CRTC1: variants seen among roughly 807,000 people sequenced by gnomAD.
The protein encoded by CRTC1 is CREB regulated transcription coactivator 1, also known as CREB-regulated transcription coactivator 1.
In CRTC1, 18 loss-of-function variants were observed where a neutral mutation model predicts 66.1. That is an observed-to-expected ratio of 0.27 (90% CI 0.19 to 0.40). The LOEUF is 0.40. Ranked by LOEUF, CRTC1 falls within the 10% of genes least tolerant of loss-of-function variation. CRTC1 has a pLI of 1.00. For missense variants in CRTC1, 669 were observed against 887.9 expected (o/e 0.75, Z 3.13); for synonymous variants, 416 against 398.8 (o/e 1.04, Z -0.51).
At chr19:18,742,662 G>A (rs529775481) in intron 1 of CRTC1, among the ~76,000 whole-genome samples, 30 of 152,354 alleles carry the variant, frequency 2.0e-4, no homozygotes, top group Middle Eastern at 3.4e-3. Context: ...CCAGGTTCAC[G>A]GTCATGGGTT....
chr19:18,772,625 G>A (rs1179705816), intron 11 of CRTC1, among the ~76,000 whole-genome samples: 5 of 152,190 alleles, frequency 3.3e-5, no homozygotes, highest in Admixed American at 1.3e-4. Context: ...GGACAGTGAA[G>A]CCCCTCTGCC....
At chr19:18,699,752 G>T (rs1259763163) in intron 1 of CRTC1, among the ~76,000 whole-genome samples, 2 of 152,200 alleles carry the variant, frequency 1.3e-5, no homozygotes, top group Non-Finnish European at 2.9e-5. Flanking sequence ...GTGGGCCAGG[G>T]TGAGGGGTTG....
chr19:18,747,954 G>A (rs1476345824), intron 4 of CRTC1, among the ~76,000 whole-genome samples: 1 of 152,036 alleles, frequency 6.6e-6, no homozygotes, highest in Admixed American at 6.6e-5. Context: ...GTGCACGCCT[G>A]TACTCCCAGC....
Position 18,688,951 on chromosome 19 carries a change from T to G in CRTC1, c.126+5123T>G, listed in dbSNP as rs149319855. On this transcript the variant is annotated intron_variant, in intron 1 of 13. Coordinates refer to ENST00000321949, the MANE Select transcript of CRTC1 (RefSeq NM_015321.3). The stretch of plus-strand genomic sequence containing the variant: ...ACAAATCTGCTTTGGTTGCTTGCTT[T>G]CTTTTTTTTTGGAGACAGAGTCTCA... 1.3e-3 allele frequency among the ~76,000 whole-genome samples: 198 copies of G among 152,194 alleles called. 3 individuals carry two copies. The East Asian group carries it at 0.018, about 14-fold the overall frequency.
intron 1 of CRTC1, among the ~76,000 whole-genome samples, chr19:18,694,098 C>T (rs1158202329): frequency 6.7e-6 from 1 of 149,926 alleles, no homozygotes; most frequent in African/African-American, 2.5e-5. Context: ...CACCACTGCA[C>T]TCCCCAGCCT....
At chr19:18,702,435 A>G (rs34644324) in intron 1 of CRTC1, among the ~76,000 whole-genome samples, 7,398 of 151,212 alleles carry the variant, frequency 0.049, 263 homozygotes, top group Non-Finnish European at 0.072. Context: ...TGTGTTGCCT[A>G]CGCTGGTCTC....
At chr19:18,726,325 G>A (rs1223405294) in intron 1 of CRTC1, among the ~76,000 whole-genome samples, 1 of 152,244 alleles carries the variant, frequency 6.6e-6, no homozygotes, top group African/African-American at 2.4e-5. Flanking sequence ...GGTCCCCGGG[G>A]GACAGCAGAG....
chr19:18,746,030 C>T (rs937736717), intron 3 of CRTC1, 70 bp downstream of exon 3: 1 of 1,534,390 alleles, frequency 6.5e-7, no homozygotes, highest in African/African-American at 1.4e-5. Flanking sequence ...CCAAGTTTAC[C>T]CAGCAGGTTC....
intron 1 of CRTC1, among the ~76,000 whole-genome samples, chr19:18,721,069 C>G (rs996735667): frequency 2.6e-5 from 4 of 152,172 alleles, no homozygotes; most frequent in African/African-American, 7.2e-5. Flanking sequence ...GCTCTAGGCG[C>G]TCTTTGCATC....
At chr19:18,685,770 A>G (rs1387480302) in intron 1 of CRTC1, among the ~76,000 whole-genome samples, 1 of 152,178 alleles carries the variant, frequency 6.6e-6, no homozygotes, top group Non-Finnish European at 1.5e-5. Context: ...TCTCCAGCAC[A>G]TGGTGTGTGC....
chr19:18,759,463 A>G (rs2054564119), intron 6 of CRTC1, 88 bp from the exon 7 acceptor site: 2 of 1,358,478 alleles, frequency 1.5e-6, no homozygotes, highest in Admixed American at 3.8e-5. Context: ...TTGTGGGAAG[A>G]TCAGCCGTTT....
At chr19:18,750,793 A>G (rs1416859665) in intron 5 of CRTC1, among the ~76,000 whole-genome samples, 1 of 152,176 alleles carries the variant, frequency 6.6e-6, no homozygotes, top group Non-Finnish European at 1.5e-5. Flanking sequence ...GACGGGAGGG[A>G]GAAGAGAATG....
chr19:18,741,445 G>A lies in CRTC1; in HGVS notation c.127-1465G>A, dbSNP rs2054109449. 6.6e-6 allele frequency among the ~76,000 whole-genome samples: 1 copy of A among 152,210 alleles called. No homozygotes were observed. Among genetic ancestry groups the A allele is most frequent in the African/African-American group, 2.4e-5 (1 of 41,454 alleles). ...GGGTCACAGCCTTTAGGGCCATATA[G>A]TCAGTGAGAGGTGAATGTAGCACAG... On this transcript the variant is annotated intron_variant, in intron 1 of 13. Coordinates refer to ENST00000321949, the MANE Select transcript of CRTC1 (RefSeq NM_015321.3). This position sits in a 1 kb window ranked among gnomAD's most constrained non-coding sequence, Gnocchi z 4.2.
chr19:18,744,720 C>T (rs1002769180), intron 2 of CRTC1, among the ~76,000 whole-genome samples: 16 of 152,292 alleles, frequency 1.1e-4, no homozygotes, highest in Admixed American at 3.3e-4. Context: ...CCACCCTCAT[C>T]GTCACAGGCC....
At chr19:18,701,130 T>C (rs1332528779) in intron 1 of CRTC1, among the ~76,000 whole-genome samples, 1 of 152,252 alleles carries the variant, frequency 6.6e-6, no homozygotes, top group Admixed American at 6.5e-5. Flanking sequence ...CGCTAATCCC[T>C]TCACTGCCGG....
intron 5 of CRTC1, among the ~76,000 whole-genome samples, chr19:18,751,416 C>T (rs749062437): frequency 1.3e-5 from 2 of 151,946 alleles, no homozygotes; most frequent in Non-Finnish European, 1.5e-5. Flanking sequence ...ACCAGCCACT[C>T]GGGAGGCTGA....
At chr19:18,734,637 C>A (rs186397037) in intron 1 of CRTC1, among the ~76,000 whole-genome samples, 20 of 152,234 alleles carry the variant, frequency 1.3e-4, no homozygotes, top group Non-Finnish European at 2.4e-4. Flanking sequence ...CTGATCGTGC[C>A]GCTGTACTCC....
chr19:18,693,474 CTTTTGT>C (rs2052899939), intron 1 of CRTC1, among the ~76,000 whole-genome samples: 3 of 144,952 alleles, frequency 2.1e-5, no homozygotes, highest in Admixed American at 1.4e-4. Context: ...GAGCTTAACT[CTTTTGT>C]TTTTGTTTTT....
At chr19:18,736,740 G>C (rs2054004920) in intron 1 of CRTC1, among the ~76,000 whole-genome samples, 1 of 150,406 alleles carries the variant, frequency 6.6e-6, no homozygotes, top group Non-Finnish European at 1.5e-5. Context: ...GACTGGCACA[G>C]ACAGCACTTC....
Sources: gnomAD v4.1 joint callset for allele counts (sites outside exome capture counted in the v4.1 genomes callset) on GRCh38, gnomAD v4.1.1 for gene constraint, Gnocchi (gnomAD v3.1) non-coding constraint, MANE v1.5 for transcripts, NCBI Gene and HGNC (gene_info 2026-07-23, HGNC 2026-07-21) for gene names.